GRAMD2B: variants seen among roughly 807,000 people sequenced by gnomAD.
The protein encoded by GRAMD2B is GRAM domain-containing protein 2B.
A neutral mutation model predicts 59.2 loss-of-function variants in GRAMD2B; 41 were observed. The observed-to-expected ratio is 0.69, with a 90% CI of 0.54 to 0.90. The LOEUF (loss-of-function observed/expected upper bound fraction) is 0.90, where lower values mean the gene tolerates loss of function less well. GRAMD2B is among the 40% of genes least tolerant of loss of function. The probability of loss-of-function intolerance (pLI) is 0.00; values close to 1 mark genes in which losing one functional copy is unlikely to be tolerated. For missense variants in GRAMD2B, 424 were observed against 500.5 expected, an observed-to-expected ratio of 0.85 and a Z score of 1.46; for synonymous variants, 161 against 182.7, an observed-to-expected ratio of 0.88 and a Z score of 0.96.
chr5:126,460,372 T>C (rs997804908), intron 1 of GRAMD2B, among the ~76,000 whole-genome samples: 1 of 152,206 alleles, frequency 6.6e-6, no homozygotes, highest in African/African-American at 2.4e-5. Context: ...GAAATAAATA[T>C]GTAGACAGAT....
intron 1 of GRAMD2B, among the ~76,000 whole-genome samples, chr5:126,405,694 T>C (rs1758205126): frequency 6.6e-6 from 1 of 151,848 alleles, no homozygotes; most frequent in Non-Finnish European, 1.5e-5. Context: ...TATCCTTTTT[T>C]TTTTTTCAAT....
chr5:126,452,846 T>C (rs1292145505), intron 1 of GRAMD2B, among the ~76,000 whole-genome samples: 1 of 152,216 alleles, frequency 6.6e-6, no homozygotes, highest in Non-Finnish European at 1.5e-5. Flanking sequence ...CCTCACTAAG[T>C]AATGAAAAAT....
chr5:126,493,127 T>C lies in GRAMD2B; in HGVS notation c.*171T>C. 1 of 586,098 alleles carries C rather than the reference T, an allele frequency of 1.7e-6. No individual in the cohort carries two copies. Among genetic ancestry groups the C allele is most frequent in the South Asian group, 2.3e-5 (1 of 42,654 alleles). The allele number at this position is 586,098 out of a possible 1,614,324, so 36.3% of individuals were successfully genotyped here. On this transcript the variant is annotated 3_prime_UTR_variant, in exon 14 of 14. Coordinates refer to ENST00000285689, the MANE Select transcript of GRAMD2B (RefSeq NM_023927.4). ...AGGAAAGTGAGGAGGGAAATAATTT[T>C]GGTTCTTGTGCAATAAAAGTTGACC...
chr5:126,383,136 T>A (rs1421049168), intron 1 of GRAMD2B, among the ~76,000 whole-genome samples: 1 of 152,240 alleles, frequency 6.6e-6, no homozygotes, highest in Non-Finnish European at 1.5e-5. Flanking sequence ...ATTTTTTAAA[T>A]GAAGTTTTAA....
At chr5:126,430,632 A>G (rs954939272) in intron 1 of GRAMD2B, among the ~76,000 whole-genome samples, 2 of 152,188 alleles carry the variant, frequency 1.3e-5, no homozygotes, top group African/African-American at 2.4e-5. Flanking sequence ...ATTTAAAGAC[A>G]ATTAGATTAG....
chr5:126,366,173 A>G (rs185831519), intron 1 of GRAMD2B, among the ~76,000 whole-genome samples: 155 of 152,270 alleles, frequency 1.0e-3, no homozygotes, highest in Middle Eastern at 3.4e-3. Flanking sequence ...TCCCCTCTTT[A>G]TCATAAAAAC....
At chr5:126,464,954 T>C (rs9687567) in intron 1 of GRAMD2B, 215,448 of 593,868 alleles carry the variant, frequency 0.36, 39,881 homozygotes, top group East Asian at 0.63. Flanking sequence ...TTAGAGACTG[T>C]AAATTGCTTA....
intron 1 of GRAMD2B, among the ~76,000 whole-genome samples, chr5:126,384,516 A>C (rs765231033): frequency 1.3e-5 from 2 of 152,234 alleles, no homozygotes; most frequent in Non-Finnish European, 2.9e-5. Context: ...GGGCAGGGTA[A>C]TATTCCATGA....
At chr5:126,360,390 C>A in exon 1 of GRAMD2B, 1 of 1,551,382 alleles carries the variant, frequency 6.4e-7, no homozygotes, top group Non-Finnish European at 8.7e-7. Context: ...ACATTCCAAG[C>A]ACAGCTTATG....
chr5:126,443,116 G>A (rs1309126882), intron 1 of GRAMD2B, among the ~76,000 whole-genome samples: 2 of 152,146 alleles, frequency 1.3e-5, no homozygotes, highest in East Asian at 1.9e-4. Context: ...TAATTGACTC[G>A]CTTCCCAGTT....
chr5:126,398,259 A>C (rs1314657552), intron 1 of GRAMD2B, among the ~76,000 whole-genome samples: 1 of 151,802 alleles, frequency 6.6e-6, no homozygotes, highest in Non-Finnish European at 1.5e-5. Context: ...GAGCTCAAGC[A>C]ATCCTCCCAT....
chr5:126,377,799 C>T (rs551955727), intron 1 of GRAMD2B, among the ~76,000 whole-genome samples: 4 of 152,092 alleles, frequency 2.6e-5, no homozygotes, highest in Non-Finnish European at 4.4e-5. Flanking sequence ...TGGTGTCATG[C>T]ATCAGAAGTG....
intron 1 of GRAMD2B, among the ~76,000 whole-genome samples, chr5:126,461,946 T>C (rs1291793632): frequency 6.6e-6 from 1 of 152,214 alleles, no homozygotes; most frequent in Non-Finnish European, 1.5e-5. Context: ...TAAAGTGGGT[T>C]GGAGATGGGA....
At chr5:126,480,879 A>G (rs747199087) in intron 8 of GRAMD2B, 172 bp downstream of exon 8, 2 of 610,150 alleles carry the variant, frequency 3.3e-6, no homozygotes, top group Non-Finnish European at 5.8e-6. Context: ...CATAGTAGCC[A>G]TAAACTTTTT....
chr5:126,418,651 C>T (rs1759459154), upstream of GRAMD2B, among the ~76,000 whole-genome samples: 1 of 152,220 alleles, frequency 6.6e-6, no homozygotes, highest in Non-Finnish European at 1.5e-5. Context: ...TAATCTACTA[C>T]AGAGTTCCAT....
At chr5:126,448,989 T>C (rs1358628946) in intron 1 of GRAMD2B, among the ~76,000 whole-genome samples, 1 of 152,134 alleles carries the variant, frequency 6.6e-6, no homozygotes, top group African/African-American at 2.4e-5. Flanking sequence ...CAAAGCACCA[T>C]GCAAATATAA....
intron 9 of GRAMD2B, 133 bp from the exon 10 acceptor site, chr5:126,484,269 C>T: frequency 9.9e-7 from 1 of 1,012,224 alleles, no homozygotes; most frequent in Admixed American, 2.6e-5. Flanking sequence ...CCAGCCACCA[C>T]AACTAACTTG....
intron 1 of GRAMD2B, among the ~76,000 whole-genome samples, chr5:126,364,144 C>T (rs1425700369): frequency 6.6e-6 from 1 of 152,082 alleles, no homozygotes; most frequent in Non-Finnish European, 1.5e-5. Context: ...AGCTATTGTA[C>T]TTTCTTAACA....
chr5:126,413,821 A>G (rs1027773669), intron 1 of GRAMD2B, among the ~76,000 whole-genome samples: 6 of 152,072 alleles, frequency 3.9e-5, no homozygotes, highest in African/African-American at 1.2e-4. Flanking sequence ...AAGATTTCTC[A>G]TTGAATTGAA....
Sources: gnomAD v4.1 joint callset for allele counts (sites outside exome capture counted in the v4.1 genomes callset) on GRCh38, gnomAD v4.1.1 for gene constraint, MANE v1.5 for transcripts, NCBI Gene and HGNC (gene_info 2026-07-23, HGNC 2026-07-21) for gene names.